Variants in CRIM1 observed in about 807,000 individuals in gnomAD.
CRIM1 encodes the protein cysteine rich transmembrane BMP regulator 1.
In CRIM1, 32 loss-of-function variants were observed where a neutral mutation model predicts 116.4. That is an observed-to-expected ratio of 0.27 (90% CI 0.21 to 0.37). CRIM1 has a LOEUF of 0.37. Among genes scored for constraint, CRIM1 ranks in the 10% least tolerant of loss-of-function variants. The probability of loss-of-function intolerance (pLI) is 1.00; values close to 1 mark genes in which losing one functional copy is unlikely to be tolerated. For synonymous variants in CRIM1, 590 were observed against 509.2 expected (o/e 1.16, Z -2.13); for missense variants, 1,331 against 1,354.8 (o/e 0.98, Z 0.28).
At chr2:36,539,073 G>GGT (rs1381162908) in intron 14 of CRIM1, among the ~76,000 whole-genome samples, 1 of 152,208 alleles carries the variant, frequency 6.6e-6, no homozygotes, top group African/African-American at 2.4e-5. Flanking sequence ...GCAGCTAACA[G>GGT]GTAAACAGTA....
chr2:36,378,294 G>A (rs934346383), intron 1 of CRIM1: 1 of 470,996 alleles, frequency 2.1e-6, no homozygotes, highest in Non-Finnish European at 4.4e-6. Flanking sequence ...GAAGATGCTT[G>A]TGAGGAAGTT....
chr2:36,359,692 A>T (rs1344504764), intron 1 of CRIM1, among the ~76,000 whole-genome samples: 1 of 152,122 alleles, frequency 6.6e-6, no homozygotes, highest in African/African-American at 2.4e-5. Context: ...TCTTTTCCGC[A>T]TTGTTTAGAT....
chr2:36,488,366 C>G (rs1397824712), intron 7 of CRIM1, among the ~76,000 whole-genome samples: 1 of 152,166 alleles, frequency 6.6e-6, no homozygotes, highest in Non-Finnish European at 1.5e-5. Context: ...AGCATCATAC[C>G]CACCTATCAG....
chr2:36,527,196 T>G (rs2125141524), intron 13 of CRIM1, among the ~76,000 whole-genome samples: 1 of 151,648 alleles, frequency 6.6e-6, no homozygotes, highest in East Asian at 1.9e-4. Context: ...AATACAAGTA[T>G]ATATGTGGCT....
chr2:36,395,010 CT>C (rs772105466), intron 1 of CRIM1, among the ~76,000 whole-genome samples: 3,873 of 113,434 alleles, frequency 0.034, 78 homozygotes, highest in African/African-American at 0.11. Flanking sequence ...TTTGTACTGT[CT>C]TTTTTTTTTT....
chr2:36,529,336 A>T (rs1665964295), intron 13 of CRIM1: 1 of 336,332 alleles, frequency 3.0e-6, no homozygotes, highest in Non-Finnish European at 6.1e-6. Context: ...GGAAGGTCCA[A>T]TGGCTTCTAC....
At position 36,476,952 on chromosome 2, in the gene CRIM1, A is replaced by G. The variant is rs150977654; in HGVS notation, c.1055A>G (p.Asp352Gly). Residue 352 changes from aspartate to glycine, a missense_variant, in exon 6 of 17, where the codon GAC becomes GGC. Physicochemically the swap from Asp to Gly is moderately conservative, Grantham distance 94. Around this residue, in one of 3 missense-constraint regions of CRIM1, gnomAD observed 690 missense variants for 676.0 expected, o/e 1.02. Transcript: ENST00000280527. Reference protein sequence around the residue: ...EYYDGDMFRMDNCRFCRCQGG... With the variant: ...EYYDGDMFRMGNCRFCRCQGG... ...TATGATGGAGACATGTTTCGAATGG[A>G]CAACTGTCGGTTCTGTCGATGCCAA... The G allele has an allele frequency of 6.4e-5, 104 of 1,614,120 alleles. No homozygotes were observed. The African/African-American group carries it at 1.2e-3, about 18-fold the overall frequency.
At chr2:36,378,524 C>T (rs990224432) in intron 1 of CRIM1, 14 of 367,276 alleles carry the variant, frequency 3.8e-5, no homozygotes, top group African/African-American at 2.3e-4. Context: ...TAACGTAAGG[C>T]GGTAAGTCAT....
rs151061928 is a variant in CRIM1, at chr2:36,535,878, A to G, written c.2429-1474A>G. 1.6e-3 allele frequency among the ~76,000 whole-genome samples: 242 copies of G among 152,366 alleles called. 1 individual carries two copies. Among genetic ancestry groups the G allele is most frequent in the Middle Eastern group, 6.8e-3 (2 of 294 alleles). ...CATTTACATCGTGTTAGGTATTGCA[A>G]GTAATCTAGAGATGGCCTAAAGTAT... On this transcript the variant is annotated intron_variant, in intron 13 of 16. Transcript: ENST00000280527.
intron 2 of CRIM1, among the ~76,000 whole-genome samples, chr2:36,434,044 C>G (rs954924866): frequency 2.0e-5 from 3 of 152,146 alleles, no homozygotes; most frequent in African/African-American, 4.8e-5. Context: ...CGGAACAAGT[C>G]TTCACAGCAA....
intron 2 of CRIM1, among the ~76,000 whole-genome samples, chr2:36,426,561 G>A (rs529477753): frequency 6.6e-6 from 1 of 152,232 alleles, no homozygotes; most frequent in South Asian, 2.1e-4. Flanking sequence ...AGTAGAACTA[G>A]GAATTAGAGC....
chr2:36,481,357 T>C (rs1679402095), intron 7 of CRIM1, among the ~76,000 whole-genome samples: 1 of 152,196 alleles, frequency 6.6e-6, no homozygotes, highest in African/African-American at 2.4e-5. Context: ...AAACTTAGTG[T>C]GGTCACTTAG....
chr2:36,408,008 T>G (rs1023329628), intron 2 of CRIM1, among the ~76,000 whole-genome samples: 7 of 152,206 alleles, frequency 4.6e-5, no homozygotes, highest in African/African-American at 1.7e-4. Flanking sequence ...CAAGCACTTT[T>G]CTGTCCTCTT....
Position 36,547,053 on chromosome 2 carries a change from C to T in CRIM1, c.2816C>T (p.Ser939Phe). 6.2e-7 allele frequency: 1 copy of T among 1,612,158 alleles called. No homozygotes were observed. The highest frequency in any genetic ancestry group is 8.5e-7 in the Non-Finnish European group (1 of 1,178,380). The stretch of plus-strand genomic sequence containing the variant: ...CCAAGTGAAGATTCTTCACTGGACT[C>T]CATTGCCTCAGTTGTGGTTCCCATA... ...LHPSEDSSLDSIASVVVPIII... is the reference protein window; with the variant it reads ...LHPSEDSSLDFIASVVVPIII... The change falls in exon 16 of 17, where the codon TCC (serine) becomes TTC (phenylalanine). Residue 939 changes from serine to phenylalanine, a missense_variant. Physicochemically the swap from Ser to Phe is radical, Grantham distance 155. Coordinates refer to ENST00000280527, the MANE Select transcript of CRIM1 (RefSeq NM_016441.3).
chr2:36,396,276 A>G (rs1341271612), intron 1 of CRIM1, among the ~76,000 whole-genome samples: 4 of 152,218 alleles, frequency 2.6e-5, no homozygotes, highest in African/African-American at 4.8e-5. Context: ...TTTATTGAAC[A>G]TGAAAAAACC....
At chr2:36,424,950 G>A (rs921416392) in intron 2 of CRIM1, among the ~76,000 whole-genome samples, 2 of 152,148 alleles carry the variant, frequency 1.3e-5, no homozygotes, top group African/African-American at 4.8e-5. Flanking sequence ...TTCTTGGAGT[G>A]CAGAGAACCT....
Position 36,479,560 on chromosome 2 carries a change from G to A in CRIM1, c.1238G>A (p.Gly413Glu), listed in dbSNP as rs1216374038. 1 of 1,614,108 alleles carries A rather than the reference G, an allele frequency of 6.2e-7. No homozygotes were observed. The highest frequency in any genetic ancestry group is 8.5e-7 in the Non-Finnish European group (1 of 1,180,048). ...CYANGLILAH[G>E]DRWREDDCTF... Reference sequence around the variant, plus strand: ...GCCAATGGCCTGATCCTTGCCCACGGAGACCGGTGGCGGGAAGACGACTGC... The same window carrying A: ...GCCAATGGCCTGATCCTTGCCCACGAAGACCGGTGGCGGGAAGACGACTGC... The change falls in exon 7 of 17, where the codon GGA becomes GAA. Residue 413 changes from glycine (G) to glutamate (E), a missense_variant. Physicochemically the swap from Gly to Glu is moderately conservative, Grantham distance 98. This residue lies in a region of CRIM1 where 690 missense variants were observed against 676.0 expected (regional missense o/e 1.02). Coordinates refer to ENST00000280527, the MANE Select transcript of CRIM1 (RefSeq NM_016441.3).
Position 36,356,357 on chromosome 2 carries a change from G to GGCTTCT in CRIM1, c.68_69insTCTGCT (p.Leu26_Leu27dup), listed in dbSNP as rs1668797727. On this transcript the variant is annotated inframe_insertion, in exon 1 of 17. Transcript: ENST00000280527. This position sits in a 1 kb window ranked among gnomAD's most constrained non-coding sequence, Gnocchi z 4.3. Reference sequence around the variant, plus strand: ...GGGCACCTCCTGGTCTCGCTGCTGGGGCTGCTGCTGCTGCTGGCGCGCTCC... The same window carrying GGCTTCT: ...GGGCACCTCCTGGTCTCGCTGCTGGGGCTTCTGCTGCTGCTGCTGCTGGCGCGCTCC... The GGCTTCT allele has an allele frequency of 6.3e-7, 1 of 1,586,982 alleles. No individual in the cohort carries two copies. The highest frequency in any genetic ancestry group is 8.6e-7 in the Non-Finnish European group (1 of 1,168,066).
chr2:36,545,768 ATTC>A (rs1349208458), intron 15 of CRIM1, among the ~76,000 whole-genome samples: 9 of 152,074 alleles, frequency 5.9e-5, no homozygotes, highest in African/African-American at 1.7e-4. Flanking sequence ...TTTATATCTT[ATTC>A]TTCTTGTATG....
Sources: allele counts gnomAD v4.1 joint callset (sites outside exome capture counted in the v4.1 genomes callset), GRCh38; gene constraint gnomAD v4.1.1; regional missense constraint gnomAD v4.1.1; non-coding constraint Gnocchi (gnomAD v3.1); transcripts MANE v1.5; gene names NCBI Gene and HGNC (gene_info 2026-07-23, HGNC 2026-07-21).